The following ACBD6 variants were observed in gnomAD, a reference collection of about 807,000 sequenced individuals.
ACBD6 encodes acyl-CoA binding domain containing 6, also known as acyl-CoA-binding domain-containing protein 6.
In ACBD6, 28 loss-of-function variants were observed where a neutral mutation model predicts 37.2. That is an observed-to-expected ratio of 0.75 (90% CI 0.56 to 1.03). The LOEUF is 1.03. ACBD6 is among the 50% of genes least tolerant of loss of function. The pLI, the probability that ACBD6 is intolerant of heterozygous loss-of-function variation, is 0.00. For synonymous variants in ACBD6, 113 were observed against 126.8 expected (o/e 0.89, Z 0.73); for missense variants, 340 against 337.4 (o/e 1.01, Z -0.06).
intron 3 of ACBD6, among the ~76,000 whole-genome samples, chr1:180,451,881 T>C (rs1649721599): frequency 6.6e-6 from 1 of 152,310 alleles, no homozygotes; most frequent in South Asian, 2.1e-4. Context: ...AATTTTAATG[T>C]CTCAATTTAA....
At chr1:180,392,341 AATTT>A (rs1194632001) in intron 6 of ACBD6, among the ~76,000 whole-genome samples, 2 of 152,032 alleles carry the variant, frequency 1.3e-5, no homozygotes, top group Non-Finnish European at 2.9e-5. Context: ...TACCTCACTG[AATTT>A]ATTTTAGACT....
At chr1:180,327,892 T>G (rs1427754620) in intron 6 of ACBD6, among the ~76,000 whole-genome samples, 1 of 152,218 alleles carries the variant, frequency 6.6e-6, no homozygotes, top group South Asian at 2.1e-4. Context: ...TTTCCTCACA[T>G]GTACTCTGCA....
chr1:180,284,765 T>C (rs1422315671), downstream of ACBD6, among the ~76,000 whole-genome samples: 2 of 152,144 alleles, frequency 1.3e-5, no homozygotes, highest in Non-Finnish European at 2.9e-5. Context: ...ATGGCTGCTT[T>C]TGTTTTTGCT....
chr1:180,314,332 C>T (rs1650707666), intron 7 of ACBD6, among the ~76,000 whole-genome samples: 2 of 152,106 alleles, frequency 1.3e-5, no homozygotes, highest in South Asian at 2.1e-4. Flanking sequence ...GCAACCTCCA[C>T]CTCCCAGATT....
chr1:180,475,184 A>G (rs1571558111), intron 3 of ACBD6, among the ~76,000 whole-genome samples: 2 of 152,244 alleles, frequency 1.3e-5, no homozygotes, highest in Non-Finnish European at 2.9e-5. Context: ...ATAACTGTGC[A>G]TATTTAAATT....
At chr1:180,336,493 T>C (rs1651725152) in intron 6 of ACBD6, among the ~76,000 whole-genome samples, 1 of 149,316 alleles carries the variant, frequency 6.7e-6, no homozygotes, top group African/African-American at 2.5e-5. Flanking sequence ...TACCAGAATC[T>C]CTGGGACACA....
At position 180,502,535 on chromosome 1, in the gene ACBD6, C is replaced by A. The variant is rs1413278209; in HGVS notation, c.-269G>T. 2.0e-6 allele frequency: 1 copy of A among 508,900 alleles called. No individual in the cohort carries two copies. Among genetic ancestry groups the A allele is most frequent in the South Asian group, 2.0e-5 (1 of 50,072 alleles). 31.5% of individuals were successfully genotyped at this position (508,900 alleles called of 1,614,324 possible). A position where few individuals can be genotyped will look rare whatever the true frequency, so the allele number is the denominator to read the frequency against. On this transcript the variant is annotated 5_prime_UTR_variant, in exon 1 of 8. Transcript: ENST00000367595. Reference sequence around the variant, plus strand: ...CCCTCCGGCCAACAGCGCGCTCAGGCTCGCCTCAGGCCCCTCCAACGGAAC... The same window carrying A: ...CCCTCCGGCCAACAGCGCGCTCAGGATCGCCTCAGGCCCCTCCAACGGAAC...
At chr1:180,389,830 C>T (rs1246297786) in intron 6 of ACBD6, among the ~76,000 whole-genome samples, 2 of 152,094 alleles carry the variant, frequency 1.3e-5, no homozygotes, top group Admixed American at 6.6e-5. Flanking sequence ...ATGTCCTTTG[C>T]CCACTTTTTG....
intron 3 of ACBD6, among the ~76,000 whole-genome samples, chr1:180,443,565 G>A (rs1261079014): frequency 6.6e-6 from 1 of 152,100 alleles, no homozygotes; most frequent in Non-Finnish European, 1.5e-5. Flanking sequence ...CCTGGAAAAT[G>A]CTGCCAGGTA....
rs1228372845 is a variant in ACBD6 at position 180,271,403 on chromosome 1, C to T, written c.*1822G>A. Reference sequence around the variant, plus strand: ...AGATGACTCAGAGGCTGGAGCTAAGCGGCCCCGGACCACCATCACAGCCAA... The same window carrying T: ...AGATGACTCAGAGGCTGGAGCTAAGTGGCCCCGGACCACCATCACAGCCAA... On this transcript the variant is annotated 3_prime_UTR_variant, in exon 14 of 14. Coordinates refer to the ACBD6 transcript ENST00000642319. 4.3e-6 allele frequency: 7 copies of T among 1,614,138 alleles called. No individual in the cohort carries two copies. Among genetic ancestry groups the T allele is most frequent in the Non-Finnish European group, 5.9e-6 (7 of 1,180,032 alleles).
At chr1:180,484,853 C>T (rs1410809188) in intron 3 of ACBD6, among the ~76,000 whole-genome samples, 5 of 151,942 alleles carry the variant, frequency 3.3e-5, no homozygotes, top group African/African-American at 1.2e-4. Context: ...ATCATGAGGT[C>T]AGGAGTTCAA....
chr1:180,425,875 AAACAAT>A (rs1375503231), intron 4 of ACBD6, among the ~76,000 whole-genome samples: 2 of 152,220 alleles, frequency 1.3e-5, no homozygotes, highest in Non-Finnish European at 2.9e-5. Flanking sequence ...TTAAAGCATA[AAACAAT>A]CACTTTCATT....
At chr1:180,416,039 A>G (rs1294591351) in intron 4 of ACBD6, among the ~76,000 whole-genome samples, 1 of 152,192 alleles carries the variant, frequency 6.6e-6, no homozygotes, top group East Asian at 1.9e-4. Context: ...CCAAAAAGAG[A>G]AGTTCAATAA....
rs574805895 is a variant in ACBD6, at chr1:180,279,628, C to T, written c.*174+1678G>A. On this transcript the variant is annotated intron_variant, in intron 9 of 13. Transcript: ENST00000642319. Reference sequence around the variant, plus strand: ...AGTAGCATTTTAAAAGTCCTTCACACTCATACATTTTTCTTTCTAGAGAAA... The same window carrying T: ...AGTAGCATTTTAAAAGTCCTTCACATTCATACATTTTTCTTTCTAGAGAAA... Among the ~76,000 whole-genome samples, 12 of 152,278 alleles carry T rather than the reference C, an allele frequency of 7.9e-5. No individual in the cohort carries two copies. In the East Asian group the frequency reaches 2.1e-3, roughly 27 times the overall value.
chr1:180,483,823 G>C (rs1040599689), intron 3 of ACBD6, among the ~76,000 whole-genome samples: 1 of 152,040 alleles, frequency 6.6e-6, no homozygotes, highest in African/African-American at 2.4e-5. Context: ...TAATCATTCT[G>C]CTATTAGTAC....
At chr1:180,443,131 T>C (rs970566906) in intron 3 of ACBD6, among the ~76,000 whole-genome samples, 3 of 152,234 alleles carry the variant, frequency 2.0e-5, no homozygotes, top group African/African-American at 7.2e-5. Context: ...TGGCATGCAT[T>C]AAGTTACTTG....
chr1:180,305,814 G>A (rs1350715033), intron 7 of ACBD6, among the ~76,000 whole-genome samples: 2 of 152,014 alleles, frequency 1.3e-5, no homozygotes, highest in Non-Finnish European at 2.9e-5. Context: ...TATGTTTATT[G>A]CAGCACTATT....
chr1:180,347,942 G>T (rs1316254877), intron 6 of ACBD6, among the ~76,000 whole-genome samples: 1 of 150,412 alleles, frequency 6.6e-6, no homozygotes, highest in African/African-American at 2.5e-5. Context: ...GACACAGCGA[G>T]ACCCCGTCTC....
At chr1:180,495,250 T>A (rs114245414) in intron 2 of ACBD6, among the ~76,000 whole-genome samples, 2,671 of 152,350 alleles carry the variant, frequency 0.018, 39 homozygotes, top group Non-Finnish European at 0.025. Context: ...GTGAACCACT[T>A]ATATTCCAAC....
Sources: allele counts gnomAD v4.1 joint callset (sites outside exome capture counted in the v4.1 genomes callset), GRCh38; gene constraint gnomAD v4.1.1; transcripts MANE v1.5; gene names NCBI Gene and HGNC (gene_info 2026-07-23, HGNC 2026-07-21).